MIS18A: variants seen among roughly 807,000 people sequenced by gnomAD.
The protein encoded by MIS18A is protein Mis18-alpha.
In MIS18A, 14 loss-of-function variants were observed where a neutral mutation model predicts 25.0. That is an observed-to-expected ratio of 0.56 (90% CI 0.37 to 0.88). The LOEUF is 0.88. Ranked by LOEUF, MIS18A falls within the 40% of genes least tolerant of loss-of-function variation. The probability of loss-of-function intolerance (pLI) is 0.00; values close to 1 mark genes in which losing one functional copy is unlikely to be tolerated. For synonymous variants in MIS18A, 134 were observed against 118.6 expected, an observed-to-expected ratio of 1.13 and a Z score of -0.84; for missense variants, 292 against 290.8, an observed-to-expected ratio of 1.00 and a Z score of -0.03.
At chr21:32,171,737 T>C in the MIS18A span, among the ~76,000 whole-genome samples, 1 of 152,086 alleles carries the variant, frequency 6.6e-6, no homozygotes, top group Non-Finnish European at 1.5e-5. Context: ...ATGGGATCAC[T>C]GTCATACATC....
the MIS18A span, chr21:32,261,442 T>C: frequency 6.6e-6 from 1 of 152,204 alleles, no homozygotes; most frequent in African/African-American, 2.4e-5. Flanking sequence ...GGAGGGCTCT[T>C]TGTCACCAAG....
the MIS18A span, among the ~76,000 whole-genome samples, chr21:32,233,236 CT>C: frequency 1.3e-5 from 2 of 152,348 alleles, no homozygotes; most frequent in Admixed American, 6.5e-5. Flanking sequence ...TGTAAATGAC[CT>C]ATTTAGAAAT....
chr21:32,203,928 T>C, the MIS18A span, among the ~76,000 whole-genome samples: 1 of 151,854 alleles, frequency 6.6e-6, no homozygotes, highest in Non-Finnish European at 1.5e-5. Context: ...CCAGCAAATT[T>C]TTTGAAGAAT....
chr21:32,272,796 C>T (rs1267601388), intron 2 of MIS18A, among the ~76,000 whole-genome samples: 2 of 152,034 alleles, frequency 1.3e-5, no homozygotes, highest in Non-Finnish European at 2.9e-5. Context: ...ACAGTTGGTA[C>T]CTGGTACACA....
the MIS18A span, among the ~76,000 whole-genome samples, chr21:32,159,404 T>C: frequency 6.6e-6 from 1 of 152,268 alleles, no homozygotes; most frequent in Non-Finnish European, 1.5e-5. Flanking sequence ...TTTATACCAA[T>C]AACTCAGTAT....
downstream of MIS18A, among the ~76,000 whole-genome samples, chr21:32,263,834 T>C (rs2031550753): frequency 6.6e-6 from 1 of 151,078 alleles, no homozygotes; most frequent in South Asian, 2.1e-4. Flanking sequence ...TTAAGCACTT[T>C]CTGATTTCTC....
chr21:32,242,011 T>C, the MIS18A span, among the ~76,000 whole-genome samples: 1 of 152,236 alleles, frequency 6.6e-6, no homozygotes, highest in African/African-American at 2.4e-5. Flanking sequence ...CCCGAGTAGC[T>C]GGGACTACAG....
At chr21:32,218,469 G>A in the MIS18A span, among the ~76,000 whole-genome samples, 1 of 152,248 alleles carries the variant, frequency 6.6e-6, no homozygotes, top group Middle Eastern at 3.4e-3. Context: ...TTATAAGCCT[G>A]TGTTAACAAG....
chr21:32,170,830 CA>C, the MIS18A span, among the ~76,000 whole-genome samples: 1 of 151,774 alleles, frequency 6.6e-6, no homozygotes, highest in Non-Finnish European at 1.5e-5. Context: ...GTTTAATACC[CA>C]AAAATCAATC....
chr21:32,244,621 C>A, the MIS18A span, among the ~76,000 whole-genome samples: 1 of 152,046 alleles, frequency 6.6e-6, no homozygotes, highest in Non-Finnish European at 1.5e-5. Flanking sequence ...CCTGTAATCC[C>A]AGCTACTTGG....
the MIS18A span, among the ~76,000 whole-genome samples, chr21:32,251,826 AT>A: frequency 7.9e-5 from 12 of 152,206 alleles, no homozygotes; most frequent in Non-Finnish European, 1.5e-4. Flanking sequence ...TCTCAGAAAC[AT>A]TTATGCACTT....
At chr21:32,245,716 G>A in the MIS18A span, among the ~76,000 whole-genome samples, 1 of 152,208 alleles carries the variant, frequency 6.6e-6, no homozygotes, top group African/African-American at 2.4e-5. Context: ...TATGCTGGGT[G>A]AGTTGTTCTG....
chr21:32,193,507 GA>G, the MIS18A span, among the ~76,000 whole-genome samples: 2 of 109,468 alleles, frequency 1.8e-5, no homozygotes, highest in African/African-American at 6.3e-5. Context: ...TAGATAGATA[GA>G]TAGATAGATA....
the MIS18A span, among the ~76,000 whole-genome samples, chr21:32,248,980 G>A: frequency 6.6e-6 from 1 of 152,184 alleles, no homozygotes. Flanking sequence ...GGGCTTTCAG[G>A]GTATTTTTCT....
At chr21:32,208,659 T>G in the MIS18A span, among the ~76,000 whole-genome samples, 1 of 152,220 alleles carries the variant, frequency 6.6e-6, no homozygotes, top group Non-Finnish European at 1.5e-5. Context: ...GGAAAGAGTA[T>G]CTCCTTAGCC....
Position 32,269,762 on chromosome 21 carries a change from TCTTCTGACAC to T in MIS18A, c.556_565del (p.Val186IlefsTer13). 2 of 1,612,066 alleles carry T rather than the reference TCTTCTGACAC, an allele frequency of 1.2e-6. No individual in the cohort carries two copies. Among genetic ancestry groups the T allele is most frequent in the Non-Finnish European group, 1.7e-6 (2 of 1,178,058 alleles). On this transcript the variant is annotated frameshift_variant, in exon 4 of 5. Coordinates refer to ENST00000290130, the MANE Select transcript of MIS18A (RefSeq NM_018944.3). LOFTEE classifies it high-confidence loss of function. ...GCTTTCAAGATTAAAAAGCTCTTTA[TCTTCTGACAC>T]AATTTGCTTTTCAGAGGACCCTAAA...
chr21:32,263,043 TA>T, the MIS18A span, among the ~76,000 whole-genome samples: 2 of 152,152 alleles, frequency 1.3e-5, no homozygotes, highest in African/African-American at 4.8e-5. Context: ...CAGCTCTCAC[TA>T]AAAAAATTAA....
intron 2 of MIS18A, among the ~76,000 whole-genome samples, chr21:32,271,719 T>C (rs1015705331): frequency 2.0e-5 from 3 of 152,226 alleles, no homozygotes; most frequent in Non-Finnish European, 4.4e-5. Context: ...GTGAGATTAC[T>C]GGCAGGAGTC....
At chr21:32,213,890 T>C in the MIS18A span, among the ~76,000 whole-genome samples, 1 of 152,168 alleles carries the variant, frequency 6.6e-6, no homozygotes, top group African/African-American at 2.4e-5. Context: ...CTCCCTCTTA[T>C]CAAGATCCTT....
Sources: allele counts gnomAD v4.1 joint callset (sites outside exome capture counted in the v4.1 genomes callset), GRCh38; gene constraint gnomAD v4.1.1; transcripts MANE v1.5; gene names NCBI Gene and HGNC (gene_info 2026-07-23, HGNC 2026-07-21).